RALGAPA2: variants seen among roughly 807,000 people sequenced by gnomAD.
The protein encoded by RALGAPA2 is Ral GTPase activating protein catalytic subunit alpha 2.
RALGAPA2 carries 139 observed loss-of-function variants against 230.4 expected under a neutral mutation model. The observed-to-expected ratio is 0.60, with a 90% CI of 0.53 to 0.69. RALGAPA2 has a LOEUF of 0.69. Ranked by LOEUF, RALGAPA2 falls within the 30% of genes least tolerant of loss-of-function variation. RALGAPA2 has a pLI of 0.00. For missense variants in RALGAPA2, 2,163 were observed against 2,276.0 expected, an observed-to-expected ratio of 0.95 and a Z score of 1.01; for synonymous variants, 847 against 837.8, an observed-to-expected ratio of 1.01 and a Z score of -0.19.
At chr20:20,514,299 C>T (rs1454571071) in intron 31 of RALGAPA2, among the ~76,000 whole-genome samples, 1 of 152,128 alleles carries the variant, frequency 6.6e-6, no homozygotes, top group African/African-American at 2.4e-5. Flanking sequence ...AAAGCACCTG[C>T]TCACCCGGAC....
At chr20:20,644,424 C>T (rs2067142689) in intron 4 of RALGAPA2, among the ~76,000 whole-genome samples, 1 of 152,062 alleles carries the variant, frequency 6.6e-6, no homozygotes, top group Admixed American at 6.6e-5. Flanking sequence ...ACAAGAGAGC[C>T]AGTGTTTTGG....
At chr20:20,515,077 G>T (rs1340563495) in intron 31 of RALGAPA2, among the ~76,000 whole-genome samples, 1 of 152,148 alleles carries the variant, frequency 6.6e-6, no homozygotes, top group Non-Finnish European at 1.5e-5. Flanking sequence ...TGCCCACCCA[G>T]GGCTAAGCAG....
chr20:20,530,400 C>T (rs941925382), intron 27 of RALGAPA2, among the ~76,000 whole-genome samples: 1 of 152,178 alleles, frequency 6.6e-6, no homozygotes, highest in African/African-American at 2.4e-5. Context: ...ATAATACAAC[C>T]ACCACCCCCA....
In RALGAPA2 at chr20:20,493,695, TAA is replaced by T. The variant is rs1345248187; in HGVS notation, c.5367+1420_5367+1421del. On this transcript the variant is annotated intron_variant, in intron 36 of 39. Transcript: ENST00000202677. ...ACACATTTCCTCTTTTTGAAAGCTA[TAA>T]GACACTAAATTCACTGGTTCTCTTA... is the stretch of plus-strand genomic sequence containing the variant. Among the ~76,000 whole-genome samples, 6 of 152,310 alleles carry T rather than the reference TAA, an allele frequency of 3.9e-5. No homozygotes were observed. The South Asian group carries it at 1.2e-3, about 32-fold the overall frequency.
At chr20:20,669,940 C>T (rs1568731305) in intron 3 of RALGAPA2, among the ~76,000 whole-genome samples, 1 of 152,212 alleles carries the variant, frequency 6.6e-6, no homozygotes, top group Non-Finnish European at 1.5e-5. Flanking sequence ...CCTTGTGTTT[C>T]TACACCAACT....
rs1273314528 is a variant in RALGAPA2, at chr20:20,495,123, T to C, written c.5361A>G (p.Lys1787=). The change falls in exon 36 of 40, where the codon AAA becomes AAG. Residue 1787 remains lysine, a synonymous_variant. Coordinates refer to ENST00000202677, the MANE Select transcript of RALGAPA2 (RefSeq NM_020343.4). ...CAATGCAATGAAAACGTACCTCAGG[T>C]TTCTTCGTTATCGCGATGAAGAACA... ...NHMFFIAITK[K]PEVPFFGPLF... 1 of 1,602,724 alleles carries C rather than the reference T, an allele frequency of 6.2e-7. No individual in the cohort carries two copies. Among genetic ancestry groups the C allele is most frequent in the Admixed American group, 1.7e-5 (1 of 59,782 alleles).
At chr20:20,488,116 G>A (rs2061960244) in intron 36 of RALGAPA2, among the ~76,000 whole-genome samples, 1 of 151,796 alleles carries the variant, frequency 6.6e-6, no homozygotes, top group South Asian at 2.1e-4. Flanking sequence ...CATGGGTTTC[G>A]TCTCCCACAA....
At chr20:20,559,052 C>T (rs906308208) in intron 23 of RALGAPA2, among the ~76,000 whole-genome samples, 2 of 152,146 alleles carry the variant, frequency 1.3e-5, no homozygotes, top group Non-Finnish European at 2.9e-5. Flanking sequence ...GGTTTGTTCC[C>T]TTATCAGTAA....
At chr20:20,402,407 T>C (rs1033069993) in intron 38 of RALGAPA2, among the ~76,000 whole-genome samples, 8 of 152,216 alleles carry the variant, frequency 5.3e-5, no homozygotes, top group Non-Finnish European at 1.2e-4. Context: ...TCACTTTCTG[T>C]GTAGTGGGGA....
intron 37 of RALGAPA2, among the ~76,000 whole-genome samples, chr20:20,462,215 T>C (rs1401639416): frequency 6.6e-6 from 1 of 152,198 alleles, no homozygotes; most frequent in African/African-American, 2.4e-5. Context: ...ATATCAGGTG[T>C]AGGTTTTCTA....
In RALGAPA2 at chr20:20,683,615, G is replaced by C. The variant is rs182915411; in HGVS notation, c.107-2814C>G. Among the ~76,000 whole-genome samples the C allele has an allele frequency of 8.9e-4, 136 of 152,322 alleles. 2 individuals are homozygous for C. The highest frequency in any genetic ancestry group is 1.1e-3 in the Admixed American group (17 of 15,302). ...CTGGTTCAGTGTATGAGACAAAGTAGCAAATGTAGACACTATGTCTGTTCA... is the reference window on the plus strand; with the variant it reads ...CTGGTTCAGTGTATGAGACAAAGTACCAAATGTAGACACTATGTCTGTTCA... On this transcript the variant is annotated intron_variant, in intron 1 of 39. Transcript: ENST00000202677.
intron 27 of RALGAPA2, among the ~76,000 whole-genome samples, chr20:20,529,880 T>C (rs1228681589): frequency 2.0e-5 from 3 of 152,206 alleles, no homozygotes; most frequent in East Asian, 3.8e-4. Flanking sequence ...GAGTTATTCA[T>C]AGTTTTTCCA....
At chr20:20,610,563 C>T (rs2065947983) in intron 14 of RALGAPA2, among the ~76,000 whole-genome samples, 1 of 152,156 alleles carries the variant, frequency 6.6e-6, no homozygotes, top group Non-Finnish European at 1.5e-5. Context: ...CTCACTGGAC[C>T]ATCCCATTGG....
In RALGAPA2 at chr20:20,398,066, G is replaced by A. The variant is rs756536801; in HGVS notation, c.5618-1332C>T. Among the ~76,000 whole-genome samples, 1 of 152,160 alleles carries A rather than the reference G, an allele frequency of 6.6e-6. No individual in the cohort carries two copies. The highest frequency in any genetic ancestry group is 1.5e-5 in the Non-Finnish European group (1 of 68,036). ...TTTAGATTTCTGATTTCCCCCCAAT[G>A]TGCTGTGCTGAAGGGCCCCCATTTC... On this transcript the variant is annotated intron_variant, in intron 38 of 39. Coordinates refer to ENST00000202677, the MANE Select transcript of RALGAPA2 (RefSeq NM_020343.4). The surrounding 1 kb of genome is among the most constrained non-coding windows in gnomAD (Gnocchi z 4.5).
chr20:20,620,607 C>T lies in RALGAPA2; in HGVS notation c.1257G>A (p.Glu419=), dbSNP rs760576847. 3 of 1,610,492 alleles carry T rather than the reference C, an allele frequency of 1.9e-6. No individual in the cohort carries two copies. The highest frequency in any genetic ancestry group is 2.5e-6 in the Non-Finnish European group (3 of 1,178,884). Reference sequence around the variant, plus strand: ...GAACTACTTTTCTTGTTACAGCTATCTCACAGGAAGGCAACAAAAATGCCT... The same window carrying T: ...GAACTACTTTTCTTGTTACAGCTATTTCACAGGAAGGCAACAAAAATGCCT... The part of the protein sequence containing the change: ...FHQAFLLPSC[E]IAVTRKVVQV... Residue 419 remains glutamate (E), a synonymous_variant, in exon 11 of 40, where the codon GAG becomes GAA. Transcript: ENST00000202677.
At chr20:20,478,913 G>A (rs1026206528) in intron 36 of RALGAPA2, among the ~76,000 whole-genome samples, 2 of 151,692 alleles carry the variant, frequency 1.3e-5, no homozygotes, top group Non-Finnish European at 2.9e-5. Context: ...CAATTGACAG[G>A]TCTTTGGCAA....
chr20:20,650,230 G>A lies in RALGAPA2; in HGVS notation c.328+3300C>T, dbSNP rs142830446. Reference sequence around the variant, plus strand: ...GCCATTAAAAACCAAAACAAAAACCGCAGATTATCCCTTCCCTTTAAAAGC... The same window carrying A: ...GCCATTAAAAACCAAAACAAAAACCACAGATTATCCCTTCCCTTTAAAAGC... On this transcript the variant is annotated intron_variant, in intron 4 of 39. Transcript: ENST00000202677. 3.5e-3 allele frequency among the ~76,000 whole-genome samples: 530 copies of A among 152,216 alleles called. 2 individuals carry two copies. The highest frequency in any genetic ancestry group is 3.9e-3 in the African/African-American group (162 of 41,534).
Position 20,505,500 on chromosome 20 carries a change from C to A in RALGAPA2, c.4963G>T (p.Ala1655Ser), listed in dbSNP as rs1016889630. The A allele has an allele frequency of 3.7e-6, 6 of 1,603,470 alleles. No homozygotes were observed. Among genetic ancestry groups the A allele is most frequent in the Middle Eastern group, 1.6e-4 (1 of 6,062 alleles). ...ETHKIAVFYI[A>S]EGQEDKCSIL... Reference sequence around the variant, plus strand: ...GAACACTTGTCTTCTTGACCTTCAGCAATGTAAAACACTGCGATTTTGTGT... The same window carrying A: ...GAACACTTGTCTTCTTGACCTTCAGAAATGTAAAACACTGCGATTTTGTGT... The change falls in exon 34 of 40, where the codon GCT becomes TCT. Residue 1655 changes from alanine to serine, a missense_variant. Transcript: ENST00000202677.
chr20:20,437,244 G>A lies in RALGAPA2; in HGVS notation c.5496-25096C>T, dbSNP rs1455522024. ...CTCTGAACGTCCTGAAGACCGCCTG[G>A]TCACTGAGGCACACATGACTCTGCA... On this transcript the variant is annotated intron_variant, in intron 37 of 39. Coordinates refer to ENST00000202677, the MANE Select transcript of RALGAPA2 (RefSeq NM_020343.4). The surrounding 1 kb of genome is among the most constrained non-coding windows in gnomAD (Gnocchi z 4.1). 6.6e-6 allele frequency among the ~76,000 whole-genome samples: 1 copy of A among 152,122 alleles called. No homozygotes were observed. Among genetic ancestry groups the A allele is most frequent in the East Asian group, 1.9e-4 (1 of 5,192 alleles).
Sources: gnomAD v4.1 joint callset for allele counts (sites outside exome capture counted in the v4.1 genomes callset) on GRCh38, gnomAD v4.1.1 for gene constraint, Gnocchi (gnomAD v3.1) non-coding constraint, MANE v1.5 for transcripts, NCBI Gene and HGNC (gene_info 2026-07-23, HGNC 2026-07-21) for gene names.